Variants in CTNNA2 observed in about 807,000 individuals in gnomAD.
CTNNA2 encodes the protein catenin alpha-2.
Under a neutral mutation model 101.0 loss-of-function variants are expected in CTNNA2, and 42 were observed. The ratio of observed to expected loss-of-function variants is 0.42; its 90% CI spans 0.32 to 0.54. CTNNA2 has a LOEUF of 0.54. Ranked by LOEUF, CTNNA2 falls within the 20% of genes least tolerant of loss-of-function variation. CTNNA2 has a pLI of 0.14. For missense variants in CTNNA2, 871 were observed against 1,223.1 expected (o/e 0.71, Z 4.29); for synonymous variants, 450 against 456.4 (o/e 0.99, Z 0.18).
At chr2:80,124,740 G>A (rs1702024487) in intron 7 of CTNNA2, among the ~76,000 whole-genome samples, 1 of 152,128 alleles carries the variant, frequency 6.6e-6, no homozygotes, top group African/African-American at 2.4e-5. Flanking sequence ...GCTTTTCCCA[G>A]GGGTTGAGCG....
chr2:80,333,264 AG>A (rs1671493635), intron 7 of CTNNA2, among the ~76,000 whole-genome samples: 1 of 152,086 alleles, frequency 6.6e-6, no homozygotes, highest in South Asian at 2.1e-4. Context: ...CCTTAGCAGA[AG>A]GTAATCCCCT....
Position 79,288,253 on chromosome 2 carries a change from C to T in CTNNA2, c.-405-24456C>T, listed in dbSNP as rs749606508. 7.9e-5 allele frequency among the ~76,000 whole-genome samples: 12 copies of T among 152,362 alleles called. 1 individual carries two copies. The highest frequency in any genetic ancestry group is 1.9e-4 in the East Asian group (1 of 5,170). ...GCTATAGACCAGAGCTGTTCCTATT[C>T]GGCCATCTTGGCTCCTCCTTATACT... On this transcript the variant is annotated intron_variant, in intron 2 of 21. Coordinates refer to the CTNNA2 transcript ENST00000466387.
Position 80,302,311 on chromosome 2 carries a change from G to T in CTNNA2, c.1057-90900G>T. 1 of 1,614,192 alleles carries T rather than the reference G, an allele frequency of 6.2e-7. No homozygotes were observed. The highest frequency in any genetic ancestry group is 8.5e-7 in the Non-Finnish European group (1 of 1,180,034). ...AGGTACACGAGCCATACTCGTTGATGATCACCAGGGCTCCCTCAATGTGGT... is the reference window on the plus strand; with the variant it reads ...AGGTACACGAGCCATACTCGTTGATTATCACCAGGGCTCCCTCAATGTGGT... On this transcript the variant is annotated intron_variant, in intron 7 of 18. Transcript: ENST00000402739. The surrounding 1 kb of genome is among the most constrained non-coding windows in gnomAD (Gnocchi z 6.4).
At chr2:79,249,187 A>T (rs76780622) in intron 2 of CTNNA2, among the ~76,000 whole-genome samples, 32,446 of 151,776 alleles carry the variant, frequency 0.21, 3,747 homozygotes, top group Admixed American at 0.34. Flanking sequence ...ATGCATGAAA[A>T]CTCCTGACAC....
At chr2:80,453,633 G>A (rs908177197) in intron 9 of CTNNA2, among the ~76,000 whole-genome samples, 2 of 152,162 alleles carry the variant, frequency 1.3e-5, no homozygotes, top group Non-Finnish European at 2.9e-5. Context: ...CTAGCAACGT[G>A]CTTAAATAGG....
intron 15 of CTNNA2, among the ~76,000 whole-genome samples, chr2:80,598,208 A>G (rs1160738617): frequency 6.6e-6 from 1 of 152,044 alleles, no homozygotes; most frequent in African/African-American, 2.4e-5. Flanking sequence ...ACAAAGGAAC[A>G]AAAAAACACC....
At chr2:79,649,254 CG>C (rs1191267625) in intron 1 of CTNNA2, 3 of 154,648 alleles carry the variant, frequency 1.9e-5, no homozygotes, top group Non-Finnish European at 4.4e-5. Context: ...GATCTATCAG[CG>C]TATGTCTACA....
At chr2:80,362,845 C>T (rs765149074) in intron 7 of CTNNA2, among the ~76,000 whole-genome samples, 4 of 151,814 alleles carry the variant, frequency 2.6e-5, no homozygotes, top group East Asian at 3.9e-4. Flanking sequence ...AGGAACTGGG[C>T]GTGGTGGTGC....
chr2:79,293,688 T>C (rs2104383578), intron 2 of CTNNA2, among the ~76,000 whole-genome samples: 1 of 152,196 alleles, frequency 6.6e-6, no homozygotes, highest in East Asian at 1.9e-4. Context: ...AATAACACTA[T>C]TTTTCAAGGA....
intron 7 of CTNNA2, among the ~76,000 whole-genome samples, chr2:80,148,109 T>C (rs1039722089): frequency 2.0e-5 from 3 of 152,224 alleles, no homozygotes; most frequent in Admixed American, 1.3e-4. Flanking sequence ...TTCATTTTTT[T>C]CTCCACTCTT....
intron 3 of CTNNA2, among the ~76,000 whole-genome samples, chr2:79,361,552 A>G (rs1677629981): frequency 1.3e-5 from 2 of 152,160 alleles, no homozygotes; most frequent in Admixed American, 6.6e-5. Flanking sequence ...GTTCATATTT[A>G]AAGAAGTCAG....
chr2:79,875,746 A>T (rs1237801631), intron 6 of CTNNA2, among the ~76,000 whole-genome samples: 2 of 152,070 alleles, frequency 1.3e-5, no homozygotes, highest in Non-Finnish European at 2.9e-5. Flanking sequence ...TTTTGTGAGG[A>T]TTAAATATGA....
At chr2:80,248,428 C>T (rs1671502522) in intron 7 of CTNNA2, among the ~76,000 whole-genome samples, 1 of 152,186 alleles carries the variant, frequency 6.6e-6, no homozygotes, top group African/African-American at 2.4e-5. Context: ...CTAATTCATT[C>T]CCTACTCTTT....
At chr2:79,485,602 T>C (rs1045444847) in intron 4 of CTNNA2, among the ~76,000 whole-genome samples, 6 of 152,316 alleles carry the variant, frequency 3.9e-5, no homozygotes, top group African/African-American at 9.6e-5. Context: ...AAGCATCCCA[T>C]GATAGGCACT....
intron 8 of CTNNA2, among the ~76,000 whole-genome samples, chr2:80,401,989 G>T (rs1678592756): frequency 6.6e-6 from 1 of 152,106 alleles, no homozygotes; most frequent in Non-Finnish European, 1.5e-5. Context: ...ATTTTCACAA[G>T]ACTGCTTCTA....
intron 3 of CTNNA2, among the ~76,000 whole-genome samples, chr2:79,324,275 T>C (rs1027908965): frequency 2.0e-5 from 3 of 152,154 alleles, no homozygotes; most frequent in Non-Finnish European, 2.9e-5. Context: ...TGTTGGAGTA[T>C]GCATGGCAAG....
intron 7 of CTNNA2, among the ~76,000 whole-genome samples, chr2:80,181,720 A>G (rs1234336215): frequency 6.6e-6 from 1 of 152,188 alleles, no homozygotes; most frequent in Non-Finnish European, 1.5e-5. Flanking sequence ...TTGGTTCTCC[A>G]CGTATGGTCA....
intron 4 of CTNNA2, among the ~76,000 whole-genome samples, chr2:79,407,161 C>T (rs1678349842): frequency 1.3e-5 from 2 of 152,042 alleles, no homozygotes; most frequent in Non-Finnish European, 1.5e-5. Context: ...AACCATATTG[C>T]AAATGTTGCC....
chr2:79,909,870 T>G lies in CTNNA2; in HGVS notation c.1056+73T>G, dbSNP rs1038021224. On this transcript the variant is annotated intron_variant, in intron 7 of 18. Coordinates refer to ENST00000402739, the MANE Select transcript of CTNNA2 (RefSeq NM_001282597.3). ...CAATCGTGTTGCTCTTTTGGAAGCA[T>G]AGATAGCAGGAAAAGAGAACAGACC... The G allele has an allele frequency of 2.9e-5, 41 of 1,427,394 alleles. No homozygotes were observed. The East Asian group carries it at 9.3e-4, about 32-fold the overall frequency. 88.4% of individuals were successfully genotyped at this position (1,427,394 alleles called of 1,614,324 possible).
Sources: allele counts gnomAD v4.1 joint callset (sites outside exome capture counted in the v4.1 genomes callset), GRCh38; gene constraint gnomAD v4.1.1; non-coding constraint Gnocchi (gnomAD v3.1); transcripts MANE v1.5; gene names NCBI Gene and HGNC (gene_info 2026-07-23, HGNC 2026-07-21).